Variants in VSIG1 observed in about 807,000 individuals in gnomAD.
The protein encoded by VSIG1 is V-set and immunoglobulin domain containing 1.
In VSIG1, 11 loss-of-function variants were observed where a neutral mutation model predicts 20.1. The observed-to-expected ratio is 0.55, with a 90% confidence interval of 0.34 to 0.91. The LOEUF is 0.91. Ranked by LOEUF, VSIG1 falls within the 40% of genes least tolerant of loss-of-function variation. The pLI, the probability that VSIG1 is intolerant of heterozygous loss-of-function variation, is 0.02. For synonymous variants in VSIG1, 126 were observed against 116.7 expected (o/e 1.08, Z -0.52); for missense variants, 283 against 298.8 (o/e 0.95, Z 0.39).
intron 1 of VSIG1, among the ~76,000 whole-genome samples, chrX:108,045,658 G>A (rs2030557068): frequency 8.9e-6 from 1 of 112,292 alleles, no homozygotes; most frequent in African/African-American, 3.2e-5. Flanking sequence ...TTAAGGAGTT[G>A]TGGTTTTCCA....
chrX:108,065,410 C>T (rs1321744936), intron 2 of VSIG1, among the ~76,000 whole-genome samples: 1 of 111,622 alleles, frequency 9.0e-6, no homozygotes, highest in East Asian at 2.8e-4. Flanking sequence ...AACTGTAAGG[C>T]CTTCCAGTAG....
the VSIG1 span, among the ~76,000 whole-genome samples, chrX:108,020,096 G>T: frequency 1.8e-5 from 2 of 112,148 alleles, no homozygotes; most frequent in South Asian, 7.4e-4. Context: ...CACTATTTTG[G>T]TTTTTCCTAG....
chrX:108,052,024 G>A (rs1290882976), intron 1 of VSIG1, among the ~76,000 whole-genome samples: 1 of 111,422 alleles, frequency 9.0e-6, no homozygotes, highest in African/African-American at 3.3e-5. Context: ...AGGGTACAAA[G>A]TTCCAGTTAG....
intron 2 of VSIG1, among the ~76,000 whole-genome samples, chrX:108,058,419 G>A (rs1432926706): frequency 9.0e-6 from 1 of 111,546 alleles, no homozygotes; most frequent in Non-Finnish European, 1.9e-5. Flanking sequence ...CCATTATCTC[G>A]GTCTGTGTAG....
chrX:108,067,221 A>C, intron 3 of VSIG1, 87 bp downstream of exon 3: 1 of 980,190 alleles, frequency 1.0e-6, no homozygotes, highest in Non-Finnish European at 1.4e-6. Flanking sequence ...ATGCCAATTA[A>C]GTCTCTGTAG....
At chrX:108,056,450 C>G (rs1268787018) in intron 1 of VSIG1, among the ~76,000 whole-genome samples, 6 of 111,152 alleles carry the variant, frequency 5.4e-5, no homozygotes, top group African/African-American at 1.3e-4. Flanking sequence ...AAATAAAAGG[C>G]CTACAAATTG....
chrX:108,063,019 T>G (rs2031057904), intron 2 of VSIG1, among the ~76,000 whole-genome samples: 1 of 112,325 alleles, frequency 8.9e-6, no homozygotes, highest in Admixed American at 9.4e-5. Context: ...AAAAGTCTTT[T>G]AGGACAAATC....
At chrX:108,028,449 G>C in the VSIG1 span, among the ~76,000 whole-genome samples, 1 of 111,779 alleles carries the variant, frequency 8.9e-6, no homozygotes, top group East Asian at 2.8e-4. Context: ...GTGAACATAA[G>C]AGCAAGTTAC....
the VSIG1 span, among the ~76,000 whole-genome samples, chrX:108,025,144 T>A: frequency 1.8e-5 from 2 of 111,920 alleles, no homozygotes; most frequent in Middle Eastern, 9.2e-3. Flanking sequence ...TTAGAGGAAT[T>A]TATGTTTATA....
the VSIG1 span, among the ~76,000 whole-genome samples, chrX:108,029,796 G>A: frequency 9.0e-6 from 1 of 111,722 alleles, no homozygotes; most frequent in Admixed American, 9.5e-5. Flanking sequence ...AAGGTGAGAG[G>A]AAGGTGAGAA....
chrX:108,029,135 T>A, the VSIG1 span, among the ~76,000 whole-genome samples: 1 of 112,420 alleles, frequency 8.9e-6, no homozygotes, highest in African/African-American at 3.2e-5. Flanking sequence ...TTAGTACAAG[T>A]GTGTACCCAA....
chrX:108,051,789 AAG>A (rs1301657313), intron 1 of VSIG1, among the ~76,000 whole-genome samples: 5 of 112,225 alleles, frequency 4.5e-5, no homozygotes, highest in African/African-American at 1.3e-4. Context: ...AGAAAAGAAA[AAG>A]AAGTTATAAA....
intron 2 of VSIG1, among the ~76,000 whole-genome samples, chrX:108,059,281 G>A (rs1320149385): frequency 9.0e-6 from 1 of 111,558 alleles, no homozygotes; most frequent in Non-Finnish European, 1.9e-5. Context: ...GGAGCCACAC[G>A]TTGGCCAGTG....
the VSIG1 span, among the ~76,000 whole-genome samples, chrX:108,030,321 G>A: frequency 8.9e-6 from 1 of 112,032 alleles, no homozygotes; most frequent in Non-Finnish European, 1.9e-5. Context: ...CAGAAAACAA[G>A]TTAACCTTTC....
chrX:108,053,658 G>C (rs2030834086), intron 1 of VSIG1, among the ~76,000 whole-genome samples: 1 of 111,276 alleles, frequency 9.0e-6, no homozygotes, highest in African/African-American at 3.3e-5. Flanking sequence ...TAATTATATT[G>C]AATGCGAATA....
At chrX:108,064,914 C>A in intron 2 of VSIG1, 1 of 198,578 alleles carries the variant, frequency 5.0e-6, no homozygotes, top group Non-Finnish European at 7.6e-6. Context: ...TGTATTGAAC[C>A]TCCTTCTGTC....
chrX:108,037,065 C>A, the VSIG1 span, among the ~76,000 whole-genome samples: 1 of 111,586 alleles, frequency 9.0e-6, no homozygotes, highest in Non-Finnish European at 1.9e-5. Flanking sequence ...AGAGGAGATG[C>A]ATGGCAGGCA....
chrX:108,033,800 A>G, the VSIG1 span, among the ~76,000 whole-genome samples: 11 of 110,455 alleles, frequency 1.0e-4, no homozygotes, highest in Non-Finnish European at 1.5e-4. Flanking sequence ...CCAGACCACA[A>G]AGAGCCAGGG....
At chrX:108,028,351 AATT>A in the VSIG1 span, among the ~76,000 whole-genome samples, 1 of 111,909 alleles carries the variant, frequency 8.9e-6, no homozygotes, top group East Asian at 2.8e-4. Flanking sequence ...TTAAACAGTA[AATT>A]ATTATTACAA....
Sources: allele counts gnomAD v4.1 joint callset (sites outside exome capture counted in the v4.1 genomes callset), GRCh38; gene constraint gnomAD v4.1.1; transcripts MANE v1.5; gene names NCBI Gene and HGNC (gene_info 2026-07-23, HGNC 2026-07-21).